HS6ST3: variants seen among roughly 807,000 people sequenced by gnomAD.
HS6ST3 encodes heparan sulfate 6-O-sulfotransferase 3, also known as heparan-sulfate 6-O-sulfotransferase 3.
Under a neutral mutation model 36.7 loss-of-function variants are expected in HS6ST3, and 12 were observed. The ratio of observed to expected loss-of-function variants is 0.33; its 90% CI spans 0.21 to 0.53. HS6ST3 has a LOEUF of 0.53. Among genes scored for constraint, HS6ST3 ranks in the 20% least tolerant of loss-of-function variants. The pLI, the probability that HS6ST3 is intolerant of heterozygous loss-of-function variation, is 0.95. For synonymous variants in HS6ST3, 240 were observed against 257.5 expected (o/e 0.93, Z 0.65); for missense variants, 584 against 640.9 (o/e 0.91, Z 0.96).
chr13:96,715,885 C>T (rs1266333473), intron 1 of HS6ST3, among the ~76,000 whole-genome samples: 1 of 151,978 alleles, frequency 6.6e-6, no homozygotes, highest in Non-Finnish European at 1.5e-5. Flanking sequence ...TGCTGCTCTC[C>T]TGGAGACACT....
At chr13:96,569,906 G>A (rs1002576741) in intron 1 of HS6ST3, among the ~76,000 whole-genome samples, 1 of 152,160 alleles carries the variant, frequency 6.6e-6, no homozygotes, top group Non-Finnish European at 1.5e-5. Flanking sequence ...GTATTAAATG[G>A]AAAGAGGAGA....
intron 1 of HS6ST3, among the ~76,000 whole-genome samples, chr13:96,111,730 A>G (rs1406660155): frequency 1.3e-5 from 2 of 152,228 alleles, no homozygotes; most frequent in African/African-American, 4.8e-5. Context: ...CAACTAGACA[A>G]TATAATGAAA....
chr13:96,706,626 C>T (rs187888260), intron 1 of HS6ST3, among the ~76,000 whole-genome samples: 76 of 151,680 alleles, frequency 5.0e-4, no homozygotes, highest in African/African-American at 1.7e-3. Context: ...TTTGAGAGAG[C>T]GGAGTTTCTC....
chr13:96,408,003 C>T (rs192103714), intron 1 of HS6ST3, among the ~76,000 whole-genome samples: 52 of 152,194 alleles, frequency 3.4e-4, no homozygotes, highest in Admixed American at 8.5e-4. Context: ...TGCAGTGGCA[C>T]GATCTCGGCT....
chr13:96,663,371 C>T (rs1449194395), intron 1 of HS6ST3, among the ~76,000 whole-genome samples: 1 of 152,150 alleles, frequency 6.6e-6, no homozygotes, highest in Non-Finnish European at 1.5e-5. Context: ...CCAAAGAAGT[C>T]ATGCAACTGG....
At chr13:96,625,585 AATT>A (rs1243622444) in intron 1 of HS6ST3, among the ~76,000 whole-genome samples, 1 of 152,130 alleles carries the variant, frequency 6.6e-6, no homozygotes, top group Non-Finnish European at 1.5e-5. Flanking sequence ...TTACACTTTA[AATT>A]ATTATATTTT....
intron 1 of HS6ST3, among the ~76,000 whole-genome samples, chr13:96,634,279 C>G (rs1441556872): frequency 6.6e-6 from 1 of 152,186 alleles, no homozygotes; most frequent in African/African-American, 2.4e-5. Context: ...GCATTTGCAC[C>G]TCAGTGCTTG....
chr13:96,634,631 A>T (rs533369), intron 1 of HS6ST3, among the ~76,000 whole-genome samples: 1 of 152,100 alleles, frequency 6.6e-6, no homozygotes, highest in Non-Finnish European at 1.5e-5. Context: ...ACTCTACCGC[A>T]ATGTGGCATT....
At chr13:96,685,627 G>A (rs555435918) in intron 1 of HS6ST3, among the ~76,000 whole-genome samples, 41 of 152,176 alleles carry the variant, frequency 2.7e-4, no homozygotes, top group Admixed American at 2.4e-3. Context: ...TAATGTGTAT[G>A]CACAATGTCC....
At chr13:96,137,728 G>A (rs146335847) in intron 1 of HS6ST3, among the ~76,000 whole-genome samples, 20 of 152,252 alleles carry the variant, frequency 1.3e-4, no homozygotes, top group African/African-American at 2.6e-4. Flanking sequence ...TTCTGCCGCC[G>A]TGGGCCACCA....
At chr13:96,698,414 A>G (rs904779224) in intron 1 of HS6ST3, among the ~76,000 whole-genome samples, 2 of 152,142 alleles carry the variant, frequency 1.3e-5, no homozygotes, top group African/African-American at 4.8e-5. Flanking sequence ...CATGGTGTGT[A>G]TGTGCCACAT....
At chr13:96,381,499 A>G (rs543769430) in intron 1 of HS6ST3, among the ~76,000 whole-genome samples, 1 of 152,104 alleles carries the variant, frequency 6.6e-6, no homozygotes, top group East Asian at 1.9e-4. Context: ...CTCTGGGTCC[A>G]TCACACTATC....
chr13:96,496,731 A>G (rs1010522022), intron 1 of HS6ST3, among the ~76,000 whole-genome samples: 3 of 152,188 alleles, frequency 2.0e-5, no homozygotes, highest in African/African-American at 7.2e-5. Context: ...CAGAATCACA[A>G]GGGGAACACG....
At chr13:96,739,704 T>C (rs1435643855) in intron 1 of HS6ST3, among the ~76,000 whole-genome samples, 3 of 152,180 alleles carry the variant, frequency 2.0e-5, no homozygotes, top group African/African-American at 7.2e-5. Context: ...GCAATGCTCT[T>C]TTTAATGGTC....
chr13:96,170,423 G>A (rs2054182227), intron 1 of HS6ST3, among the ~76,000 whole-genome samples: 1 of 152,234 alleles, frequency 6.6e-6, no homozygotes, highest in African/African-American at 2.4e-5. Flanking sequence ...TGATGTCAGA[G>A]TAGCACAGCC....
Position 96,459,894 on chromosome 13 carries a change from A to G in HS6ST3, c.707+368325A>G, listed in dbSNP as rs538338706. On this transcript the variant is annotated intron_variant, in intron 1 of 1. Coordinates refer to ENST00000376705, the MANE Select transcript of HS6ST3 (RefSeq NM_153456.4). ...ATTTGTAGACCACCATTTAAAATTCAGTGTTTGAAAGTTGTAGGAGTGATG... is the reference window on the plus strand; with the variant it reads ...ATTTGTAGACCACCATTTAAAATTCGGTGTTTGAAAGTTGTAGGAGTGATG... Among the ~76,000 whole-genome samples, 21 of 152,316 alleles carry G rather than the reference A, an allele frequency of 1.4e-4. No homozygotes were observed. The South Asian group carries it at 4.1e-3, about 30-fold the overall frequency.
intron 1 of HS6ST3, among the ~76,000 whole-genome samples, chr13:96,303,417 G>A (rs957756295): frequency 6.6e-6 from 1 of 152,122 alleles, no homozygotes; most frequent in Non-Finnish European, 1.5e-5. Flanking sequence ...GAAGGAGAAG[G>A]GGCTAAGTGT....
chr13:96,380,281 T>TTC (rs2055334871), intron 1 of HS6ST3, among the ~76,000 whole-genome samples: 1 of 123,248 alleles, frequency 8.1e-6, no homozygotes, highest in African/African-American at 3.0e-5. Flanking sequence ...TTTTTTTTTT[T>TTC]CGAGATGGAG....
chr13:96,820,339 G>A (rs1252926717), intron 1 of HS6ST3, among the ~76,000 whole-genome samples: 1 of 152,120 alleles, frequency 6.6e-6, no homozygotes, highest in Non-Finnish European at 1.5e-5. Context: ...CACTCTATTT[G>A]GACAGTTTAT....
Sources: allele counts gnomAD v4.1 joint callset (sites outside exome capture counted in the v4.1 genomes callset), GRCh38; gene constraint gnomAD v4.1.1; transcripts MANE v1.5; gene names NCBI Gene and HGNC (gene_info 2026-07-23, HGNC 2026-07-21).